PHLPP1: variants seen among roughly 807,000 people sequenced by gnomAD.
The protein encoded by PHLPP1 is PH domain leucine-rich repeat-containing protein phosphatase 1.
A neutral mutation model predicts 117.2 loss-of-function variants in PHLPP1; 42 were observed. The ratio of observed to expected loss-of-function variants is 0.36; its 90% CI spans 0.28 to 0.46. PHLPP1 has a LOEUF of 0.46. Among genes scored for constraint, PHLPP1 ranks in the 20% least tolerant of loss-of-function variants. The probability of loss-of-function intolerance (pLI) is 1.00; values close to 1 mark genes in which losing one functional copy is unlikely to be tolerated. For missense variants in PHLPP1, 2,084 were observed against 2,241.9 expected (o/e 0.93, Z 1.42); for synonymous variants, 1,042 against 970.7 (o/e 1.07, Z -1.37).
chr18:62,780,960 GTAACTT>G (rs1227535288), intron 1 of PHLPP1, among the ~76,000 whole-genome samples: 2 of 152,162 alleles, frequency 1.3e-5, no homozygotes, highest in African/African-American at 2.4e-5. Flanking sequence ...GATGCTGCCA[GTAACTT>G]TAACCTTCCA....
chr18:62,872,781 GT>G (rs1359377271), intron 4 of PHLPP1, among the ~76,000 whole-genome samples: 5 of 151,792 alleles, frequency 3.3e-5, no homozygotes, highest in Non-Finnish European at 7.4e-5. Context: ...GAGGTCAGGA[GT>G]TCAAGACCAG....
intron 10 of PHLPP1, among the ~76,000 whole-genome samples, chr18:62,929,715 A>G (rs757670389): frequency 6.6e-6 from 1 of 152,208 alleles, no homozygotes; most frequent in South Asian, 2.1e-4. Context: ...TGGGAGGCCA[A>G]AGCAGGAGGA....
At chr18:62,901,731 C>G (rs1916729509) in intron 6 of PHLPP1, among the ~76,000 whole-genome samples, 4 of 151,146 alleles carry the variant, frequency 2.6e-5, no homozygotes, top group Admixed American at 2.6e-4. Flanking sequence ...TTAAGCAGTT[C>G]TCCTGCCTCA....
At chr18:62,728,336 T>G (rs1911136987) in intron 1 of PHLPP1, among the ~76,000 whole-genome samples, 1 of 151,880 alleles carries the variant, frequency 6.6e-6, no homozygotes, top group Non-Finnish European at 1.5e-5. Flanking sequence ...ACATAAAGCA[T>G]TGATTTCTGT....
intron 1 of PHLPP1, among the ~76,000 whole-genome samples, chr18:62,801,993 A>AT (rs889772912): frequency 5.3e-5 from 8 of 150,822 alleles, no homozygotes; most frequent in Non-Finnish European, 7.4e-5. Context: ...TACTTTTTCT[A>AT]TTTTTTTTAA....
chr18:62,963,512 C>T, intron 14 of PHLPP1, 40 bp downstream of exon 14: 2 of 1,236,068 alleles, frequency 1.6e-6, no homozygotes, highest in Non-Finnish European at 2.4e-6. Context: ...GTGCCTCCTG[C>T]CTGTCTCACT....
intron 1 of PHLPP1, among the ~76,000 whole-genome samples, chr18:62,821,442 G>C (rs1914450850): frequency 6.6e-6 from 1 of 151,664 alleles, no homozygotes; most frequent in Admixed American, 6.6e-5. Flanking sequence ...CCAGCTACTT[G>C]GGAGGCTGGG....
chr18:62,724,004 T>C (rs758371726), intron 1 of PHLPP1, among the ~76,000 whole-genome samples: 1 of 152,184 alleles, frequency 6.6e-6, no homozygotes. Flanking sequence ...GGCTATGGGC[T>C]TAAAACTGTC....
At chr18:62,945,730 A>G (rs1054528886) in intron 12 of PHLPP1, among the ~76,000 whole-genome samples, 7 of 152,240 alleles carry the variant, frequency 4.6e-5, no homozygotes, top group African/African-American at 1.4e-4. Context: ...GTAATTCCCT[A>G]TATAGACAGA....
At chr18:62,852,195 A>G (rs1420850983) in intron 3 of PHLPP1, among the ~76,000 whole-genome samples, 1 of 152,054 alleles carries the variant, frequency 6.6e-6, no homozygotes, top group Non-Finnish European at 1.5e-5. Flanking sequence ...TTTATTGCTT[A>G]TATATCTTTT....
At chr18:62,725,124 T>C (rs1473448552) in intron 1 of PHLPP1, among the ~76,000 whole-genome samples, 25 of 152,196 alleles carry the variant, frequency 1.6e-4, no homozygotes, top group Non-Finnish European at 1.5e-4. Flanking sequence ...TTTGGGAGGC[T>C]GAGTCGGGCA....
chr18:62,715,941 A>G lies in PHLPP1; in HGVS notation c.258A>G (p.Arg86=). The part of the protein sequence containing the change: ...GEAPPGPLPG[R]AGGAGRRRRR... ...CGCCGCCGGGGCCGCTGCCGGGCAG[A>G]GCGGGGGGTGCCGGGCGCAGGAGGC... The change falls in exon 1 of 17, where the codon AGA becomes AGG. Residue 86 remains arginine, a synonymous_variant. Coordinates refer to ENST00000262719, the MANE Select transcript of PHLPP1 (RefSeq NM_194449.4). The G allele has an allele frequency of 8.7e-7, 1 of 1,151,666 alleles. No homozygotes were observed. Among genetic ancestry groups the G allele is most frequent in the Non-Finnish European group, 1.1e-6 (1 of 934,554 alleles). 71.3% of individuals were successfully genotyped at this position (1,151,666 alleles called of 1,614,324 possible).
At chr18:62,840,954 A>C in intron 3 of PHLPP1, among the ~76,000 whole-genome samples, 1 of 151,882 alleles carries the variant, frequency 6.6e-6, no homozygotes, top group South Asian at 2.1e-4. Context: ...CAGTGGCACG[A>C]TCTTGGGTCA....
chr18:62,723,665 GGT>G (rs1308170912), intron 1 of PHLPP1, among the ~76,000 whole-genome samples: 2 of 152,122 alleles, frequency 1.3e-5, no homozygotes, highest in Non-Finnish European at 2.9e-5. Context: ...GAGCTTGGCT[GGT>G]GTGTTGGGGG....
At chr18:62,776,638 C>T (rs1912966527) in intron 1 of PHLPP1, among the ~76,000 whole-genome samples, 1 of 146,730 alleles carries the variant, frequency 6.8e-6, no homozygotes. Context: ...GGGACGGAGT[C>T]TCACTCTGTG....
intron 1 of PHLPP1, among the ~76,000 whole-genome samples, chr18:62,742,449 T>C (rs1437674486): frequency 1.3e-5 from 2 of 152,202 alleles, no homozygotes; most frequent in Non-Finnish European, 2.9e-5. Flanking sequence ...ATTTTTTTTT[T>C]TTGAGATGGA....
chr18:62,973,441 C>T (rs1911107092), intron 15 of PHLPP1, among the ~76,000 whole-genome samples: 1 of 152,222 alleles, frequency 6.6e-6, no homozygotes, highest in Non-Finnish European at 1.5e-5. Context: ...GCTGCAGACT[C>T]ACTCATGTGG....
intron 10 of PHLPP1, among the ~76,000 whole-genome samples, chr18:62,935,469 AATC>A (rs1909942464): frequency 2.0e-5 from 3 of 152,240 alleles, no homozygotes; most frequent in South Asian, 4.1e-4. Flanking sequence ...AATTTAACAC[AATC>A]ATCATGTAAA....
intron 1 of PHLPP1, among the ~76,000 whole-genome samples, chr18:62,789,568 G>C (rs187879318): frequency 2.0e-4 from 31 of 151,890 alleles, no homozygotes; most frequent in African/African-American, 7.3e-4. Context: ...TAGGGGGTGG[G>C]GACTGACTCC....
Sources: gnomAD v4.1 joint callset for allele counts (sites outside exome capture counted in the v4.1 genomes callset) on GRCh38, gnomAD v4.1.1 for gene constraint, MANE v1.5 for transcripts, NCBI Gene and HGNC (gene_info 2026-07-23, HGNC 2026-07-21) for gene names.